The following GSK3B variants were observed in gnomAD, a reference collection of about 807,000 sequenced individuals.
GSK3B encodes glycogen synthase kinase 3 beta, also known as glycogen synthase kinase-3 beta.
Under a neutral mutation model 56.4 loss-of-function variants are expected in GSK3B, and 15 were observed. The ratio of observed to expected loss-of-function variants is 0.27; its 90% CI spans 0.18 to 0.41. The LOEUF (loss-of-function observed/expected upper bound fraction) is 0.41, where lower values mean the gene tolerates loss of function less well. Among genes scored for constraint, GSK3B ranks in the 10% least tolerant of loss-of-function variants. The pLI is 1.00. For synonymous variants in GSK3B, 181 were observed against 188.9 expected, an observed-to-expected ratio of 0.96 and a Z score of 0.34; for missense variants, 300 against 513.4, an observed-to-expected ratio of 0.58 and a Z score of 4.02.
intron 10 of GSK3B, among the ~76,000 whole-genome samples, chr3:119,836,702 T>C (rs918152156): frequency 3.3e-5 from 5 of 152,190 alleles, no homozygotes; most frequent in African/African-American, 1.2e-4. Context: ...ATTTTAAAGG[T>C]TGGTCTGTAG....
intron 9 of GSK3B, among the ~76,000 whole-genome samples, chr3:119,847,277 TA>T (rs1178851289): frequency 6.6e-6 from 1 of 151,872 alleles, no homozygotes; most frequent in Non-Finnish European, 1.5e-5. Flanking sequence ...TCCCAGAACT[TA>T]AAGTATAATA....
chr3:120,028,951 G>A (rs1338834411), intron 1 of GSK3B: 7 of 562,924 alleles, frequency 1.2e-5, no homozygotes, highest in African/African-American at 7.6e-5. Context: ...AAGTGGTGAA[G>A]CATACAAGAG....
At chr3:120,062,706 A>G (rs2058248200) in intron 1 of GSK3B, among the ~76,000 whole-genome samples, 1 of 152,222 alleles carries the variant, frequency 6.6e-6, no homozygotes. Flanking sequence ...GTGATGAACA[A>G]GATCAGAAGG....
chr3:119,887,026 T>G (rs2056443609), intron 7 of GSK3B, among the ~76,000 whole-genome samples: 1 of 152,018 alleles, frequency 6.6e-6, no homozygotes, highest in Non-Finnish European at 1.5e-5. Flanking sequence ...AAAAAATATT[T>G]TAAACTGTTA....
intron 7 of GSK3B, among the ~76,000 whole-genome samples, chr3:119,885,600 T>A (rs559256689): frequency 3.3e-5 from 5 of 152,136 alleles, no homozygotes; most frequent in Non-Finnish European, 7.4e-5. Flanking sequence ...GCCAAAGCAA[T>A]CCTAAGCAAA....
chr3:119,997,071 GAAAAC>G lies in GSK3B; in HGVS notation c.282+4970_282+4974del, dbSNP rs965666626. ...AATAAAAACTGTTCATCTAACAACAGAAAACAAAACAACAAAAACACTCTAGTTCA... is the reference window on the plus strand; with the variant it reads ...AATAAAAACTGTTCATCTAACAACAGAAAACAACAAAAACACTCTAGTTCA... On this transcript the variant is annotated intron_variant, in intron 2 of 10. Transcript: ENST00000264235. Among the ~76,000 whole-genome samples the G allele has an allele frequency of 3.9e-5, 6 of 152,126 alleles. No homozygotes were observed. In the East Asian group the frequency reaches 9.6e-4, roughly 24 times the overall value.
At chr3:119,865,730 A>G (rs953867451) in intron 8 of GSK3B, among the ~76,000 whole-genome samples, 1 of 151,538 alleles carries the variant, frequency 6.6e-6, no homozygotes, top group Non-Finnish European at 1.5e-5. Flanking sequence ...CGGCCTCCCA[A>G]AGTGCTGGGA....
rs917579673 is a variant in GSK3B, at chr3:120,028,959, G to A, written c.89-26720C>T. Reference sequence around the variant, plus strand: ...CAGGCACAAGTGGTGAAGCATACAAGAGAAGTGCTTTGGTTCCTCCTGTGG... The same window carrying A: ...CAGGCACAAGTGGTGAAGCATACAAAAGAAGTGCTTTGGTTCCTCCTGTGG... On this transcript the variant is annotated intron_variant, in intron 1 of 10. Coordinates refer to ENST00000264235, the MANE Select transcript of GSK3B (RefSeq NM_001146156.2). 7.0e-6 allele frequency: 4 copies of A among 571,864 alleles called. No homozygotes were observed. The East Asian group carries it at 1.4e-4, about 20-fold the overall frequency. The allele number at this position is 571,864 out of a possible 1,614,324, so 35.4% of individuals were successfully genotyped here. A position where few individuals can be genotyped will look rare whatever the true frequency, so the allele number is the denominator to read the frequency against.
At chr3:119,997,456 A>G (rs1236049451) in intron 2 of GSK3B, among the ~76,000 whole-genome samples, 2 of 152,240 alleles carry the variant, frequency 1.3e-5, no homozygotes, top group East Asian at 1.9e-4. Context: ...TTTAAAACGT[A>G]CATAACTATA....
chr3:119,973,316 T>C (rs1307770744), intron 2 of GSK3B, among the ~76,000 whole-genome samples: 1 of 152,230 alleles, frequency 6.6e-6, no homozygotes, highest in Non-Finnish European at 1.5e-5. Context: ...CTGAGTAGTG[T>C]GATGAAATCT....
At chr3:120,079,575 A>T (rs945337390) in intron 1 of GSK3B, among the ~76,000 whole-genome samples, 2 of 151,496 alleles carry the variant, frequency 1.3e-5, no homozygotes, top group African/African-American at 4.9e-5. Flanking sequence ...TTGTATTTTT[A>T]GTAGATATGA....
At chr3:119,875,528 CACACACACACACACACACAG>C (rs1395371845) in intron 8 of GSK3B, among the ~76,000 whole-genome samples, 45 of 150,284 alleles carry the variant, frequency 3.0e-4, no homozygotes, top group African/African-American at 1.1e-3. Flanking sequence ...CACACACACA[CACACACACACACACACACAG>C]AAGTTTAATC....
intron 1 of GSK3B, among the ~76,000 whole-genome samples, chr3:120,003,706 A>C (rs534536605): frequency 6.6e-6 from 1 of 152,376 alleles, no homozygotes; most frequent in South Asian, 2.1e-4. Context: ...AGAAGTATTA[A>C]TATACACAAA....
intron 4 of GSK3B, among the ~76,000 whole-genome samples, chr3:119,921,735 A>G (rs2056841604): frequency 6.6e-6 from 1 of 152,206 alleles, no homozygotes; most frequent in Admixed American, 6.5e-5. Flanking sequence ...AAAAATATAA[A>G]CTTAAAAAAA....
chr3:119,904,925 G>C (rs143814911), intron 7 of GSK3B, among the ~76,000 whole-genome samples: 237 of 149,232 alleles, frequency 1.6e-3, no homozygotes, highest in Middle Eastern at 3.5e-3. Flanking sequence ...ACCTTAGAAT[G>C]AAACAATCTA....
At chr3:120,045,245 G>T (rs2107535841) in intron 1 of GSK3B, among the ~76,000 whole-genome samples, 1 of 152,294 alleles carries the variant, frequency 6.6e-6, no homozygotes, top group South Asian at 2.1e-4. Flanking sequence ...GGAACTGTAA[G>T]ATATAATGAA....
At chr3:120,053,084 C>G (rs1372631192) in intron 1 of GSK3B, among the ~76,000 whole-genome samples, 25 of 152,200 alleles carry the variant, frequency 1.6e-4, no homozygotes, top group Admixed American at 1.6e-3. Context: ...TGCCTGTAAT[C>G]TCAGCACTTT....
intron 2 of GSK3B, among the ~76,000 whole-genome samples, chr3:119,997,966 T>A (rs2057639882): frequency 6.6e-6 from 1 of 152,116 alleles, no homozygotes; most frequent in Non-Finnish European, 1.5e-5. Context: ...TAAAGAAATA[T>A]GTGAAAATAA....
intron 1 of GSK3B, among the ~76,000 whole-genome samples, chr3:120,080,610 C>G (rs2058411086): frequency 6.6e-6 from 1 of 152,024 alleles, no homozygotes; most frequent in Non-Finnish European, 1.5e-5. Flanking sequence ...GCATCCAGAT[C>G]ATTTGAGGAC....
Sources: allele counts gnomAD v4.1 joint callset (sites outside exome capture counted in the v4.1 genomes callset), GRCh38; gene constraint gnomAD v4.1.1; transcripts MANE v1.5; gene names NCBI Gene and HGNC (gene_info 2026-07-23, HGNC 2026-07-21).